TESK2: variants seen among roughly 807,000 people sequenced by gnomAD.
The protein encoded by TESK2 is dual specificity testis-specific protein kinase 2.
Under a neutral mutation model 57.1 loss-of-function variants are expected in TESK2, and 39 were observed. The observed-to-expected ratio is 0.68, with a 90% CI of 0.53 to 0.89. The LOEUF (loss-of-function observed/expected upper bound fraction) is 0.89. Ranked by LOEUF, TESK2 falls within the 40% of genes least tolerant of loss-of-function variation. The pLI is 0.00. For synonymous variants in TESK2, 249 were observed against 267.9 expected (o/e 0.93, Z 0.69); for missense variants, 646 against 732.1 (o/e 0.88, Z 1.36).
At chr1:45,477,124 G>A (rs1411864044) in intron 1 of TESK2, among the ~76,000 whole-genome samples, 1 of 149,676 alleles carries the variant, frequency 6.7e-6, no homozygotes, top group Non-Finnish European at 1.5e-5. Context: ...AGCTACTGAG[G>A]AGCCTAAGTG....
intron 3 of TESK2, among the ~76,000 whole-genome samples, chr1:45,389,650 C>A (rs771914003): frequency 2.0e-5 from 3 of 152,182 alleles, no homozygotes; most frequent in Admixed American, 6.5e-5. Context: ...AAGGCATTGA[C>A]CCTTCCTCTA....
intron 1 of TESK2, among the ~76,000 whole-genome samples, chr1:45,486,366 A>T (rs1204806172): frequency 6.6e-6 from 1 of 152,238 alleles, no homozygotes; most frequent in Non-Finnish European, 1.5e-5. Flanking sequence ...ATACTTTCAT[A>T]CAGGGAAGAA....
Position 45,383,912 on chromosome 1 carries a change from A to T in TESK2, c.393+2000T>A, listed in dbSNP as rs185647968. Among the ~76,000 whole-genome samples, 6 of 152,258 alleles carry T rather than the reference A, an allele frequency of 3.9e-5. No homozygotes were observed. In the East Asian group the frequency reaches 1.2e-3, roughly 29 times the overall value. ...TGTGAGTGGTACTTTTCATATGTAT[A>T]CTTTTTCTGATATGTTATACTTCAG... On this transcript the variant is annotated intron_variant, in intron 4 of 10. Transcript: ENST00000372086.
chr1:45,355,962 A>C (rs952546400), intron 4 of TESK2, among the ~76,000 whole-genome samples: 1 of 152,200 alleles, frequency 6.6e-6, no homozygotes. Context: ...AGATATGTGA[A>C]CTTTATCCTG....
At chr1:45,384,607 T>TTTATTTA (rs1648810403) in intron 4 of TESK2, among the ~76,000 whole-genome samples, 2 of 127,166 alleles carry the variant, frequency 1.6e-5, no homozygotes, top group African/African-American at 6.3e-5. Context: ...TTTTTTTTTT[T>TTTATTTA]TTTTTTTTTT....
chr1:45,433,674 C>T (rs1423603658), intron 2 of TESK2, among the ~76,000 whole-genome samples: 1 of 152,042 alleles, frequency 6.6e-6, no homozygotes, highest in Non-Finnish European at 1.5e-5. Context: ...TTTTCTTTTT[C>T]CACTTATCCA....
intron 2 of TESK2, among the ~76,000 whole-genome samples, chr1:45,452,851 A>G (rs1651923587): frequency 6.6e-6 from 1 of 152,164 alleles, no homozygotes; most frequent in African/African-American, 2.4e-5. Context: ...CAGAAATTCA[A>G]GATCAGCCTG....
At chr1:45,480,257 G>A (rs925975357) in intron 1 of TESK2, among the ~76,000 whole-genome samples, 4 of 151,464 alleles carry the variant, frequency 2.6e-5, no homozygotes, top group South Asian at 4.2e-4. Flanking sequence ...TCAGGAGTTC[G>A]AGATCAGCCT....
intron 3 of TESK2, among the ~76,000 whole-genome samples, chr1:45,409,616 C>A (rs1649965805): frequency 6.6e-6 from 1 of 152,042 alleles, no homozygotes; most frequent in Non-Finnish European, 1.5e-5. Context: ...AAGGGGAAGA[C>A]AAGAGATCAA....
intron 3 of TESK2, among the ~76,000 whole-genome samples, chr1:45,412,074 T>C (rs543113360): frequency 6.6e-6 from 1 of 152,328 alleles, no homozygotes; most frequent in South Asian, 2.1e-4. Context: ...GCTGTGTGAA[T>C]TGTACAAGAG....
chr1:45,373,340 A>G (rs187641190), intron 4 of TESK2, among the ~76,000 whole-genome samples: 221 of 152,348 alleles, frequency 1.5e-3, no homozygotes, highest in Non-Finnish European at 2.0e-3. Flanking sequence ...GGTGATTGGT[A>G]AGATTTGGAA....
At chr1:45,429,110 C>T (rs1377660596) in intron 2 of TESK2, among the ~76,000 whole-genome samples, 2 of 152,124 alleles carry the variant, frequency 1.3e-5, no homozygotes, top group Non-Finnish European at 2.9e-5. Flanking sequence ...CGTGAGCCAC[C>T]GCGCCCGGCC....
At chr1:45,431,518 T>C (rs1429490237) in intron 2 of TESK2, among the ~76,000 whole-genome samples, 1 of 152,156 alleles carries the variant, frequency 6.6e-6, no homozygotes, top group Non-Finnish European at 1.5e-5. Flanking sequence ...CCCCTTATTA[T>C]AGCCTGGAAC....
chr1:45,430,118 A>C (rs1208453318), intron 2 of TESK2, among the ~76,000 whole-genome samples: 1 of 152,144 alleles, frequency 6.6e-6, no homozygotes, highest in Non-Finnish European at 1.5e-5. Flanking sequence ...AGGGACCTGA[A>C]GGAGACTGCT....
chr1:45,479,636 A>G (rs1653131354), intron 1 of TESK2, among the ~76,000 whole-genome samples: 1 of 151,826 alleles, frequency 6.6e-6, no homozygotes, highest in African/African-American at 2.4e-5. Context: ...AATTCAGAGG[A>G]AGAGAGAATA....
intron 4 of TESK2, among the ~76,000 whole-genome samples, chr1:45,357,897 G>A (rs894201976): frequency 4.6e-5 from 7 of 151,164 alleles, no homozygotes; most frequent in African/African-American, 1.5e-4. Flanking sequence ...CCCAGTACTC[G>A]AGAGGATGAG....
chr1:45,486,513 A>T (rs1653481994), intron 1 of TESK2, among the ~76,000 whole-genome samples: 1 of 151,692 alleles, frequency 6.6e-6, no homozygotes, highest in Non-Finnish European at 1.5e-5. Context: ...TCTCTACTAA[A>T]AATACAAAAA....
chr1:45,369,859 G>A (rs892305569), intron 4 of TESK2, among the ~76,000 whole-genome samples: 11 of 151,942 alleles, frequency 7.2e-5, no homozygotes, highest in African/African-American at 1.7e-4. Context: ...TTAAAGGTGC[G>A]CACCATCACA....
At chr1:45,436,178 C>CTTTTTTTTTTTTTTTTTTT (rs1557573084) in intron 2 of TESK2, among the ~76,000 whole-genome samples, 1 of 12,970 alleles carries the variant, frequency 7.7e-5, no homozygotes. Context: ...ACATTGGTAT[C>CTTTTTTTTTTTTTTTTTTT]TTCTTTTTTT....
Sources: gnomAD v4.1 joint callset for allele counts (sites outside exome capture counted in the v4.1 genomes callset) on GRCh38, gnomAD v4.1.1 for gene constraint, MANE v1.5 for transcripts, NCBI Gene and HGNC (gene_info 2026-07-23, HGNC 2026-07-21) for gene names.